FILIP1L: variants seen among roughly 807,000 people sequenced by gnomAD.
FILIP1L encodes the protein filamin A interacting protein 1 like, also known as filamin A-interacting protein 1-like.
Under a neutral mutation model 96.6 loss-of-function variants are expected in FILIP1L, and 55 were observed. That is an observed-to-expected ratio of 0.57 (90% confidence interval 0.46 to 0.71). FILIP1L has a LOEUF of 0.71. FILIP1L is among the 30% of genes least tolerant of loss of function. FILIP1L has a pLI of 0.00. For synonymous variants in FILIP1L, 467 were observed against 473.9 expected (o/e 0.99, Z 0.19); for missense variants, 1,304 against 1,321.2 (o/e 0.99, Z 0.20).
intron 1 of FILIP1L, among the ~76,000 whole-genome samples, chr3:99,977,710 A>T (rs1457358026): frequency 6.6e-6 from 1 of 152,224 alleles, no homozygotes; most frequent in African/African-American, 2.4e-5. Flanking sequence ...CAGAAAAATA[A>T]GAGAATGGAA....
intron 1 of FILIP1L, among the ~76,000 whole-genome samples, chr3:99,998,424 A>G (rs1709743952): frequency 6.6e-6 from 1 of 152,168 alleles, no homozygotes; most frequent in Non-Finnish European, 1.5e-5. Context: ...AGTGGGGTAA[A>G]CTATATATAC....
At chr3:99,945,803 C>A (rs953925437) in intron 1 of FILIP1L, among the ~76,000 whole-genome samples, 1 of 152,146 alleles carries the variant, frequency 6.6e-6, no homozygotes, top group Non-Finnish European at 1.5e-5. Context: ...AACTTTAACC[C>A]CAATTTTTTT....
chr3:100,106,428 C>T (rs769397468), intron 1 of FILIP1L, among the ~76,000 whole-genome samples: 66 of 152,032 alleles, frequency 4.3e-4, no homozygotes, highest in Non-Finnish European at 7.9e-4. Context: ...AAGATATGGC[C>T]CCAGGGACAA....
chr3:99,875,737 A>T, intron 4 of FILIP1L, among the ~76,000 whole-genome samples: 1 of 152,152 alleles, frequency 6.6e-6, no homozygotes, highest in Admixed American at 6.5e-5. Flanking sequence ...CTGCAGTACA[A>T]TATAGTCTCC....
At chr3:99,872,726 G>T in intron 4 of FILIP1L, among the ~76,000 whole-genome samples, 1 of 152,172 alleles carries the variant, frequency 6.6e-6, no homozygotes, top group East Asian at 1.9e-4. Context: ...CTTGGGCTCA[G>T]AATTAAAACT....
chr3:100,095,468 TACTACAGTGA>T (rs1403112309), intron 1 of FILIP1L, among the ~76,000 whole-genome samples: 2 of 152,110 alleles, frequency 1.3e-5, no homozygotes, highest in African/African-American at 4.8e-5. Flanking sequence ...AAAAACAATA[TACTACAGTGA>T]ACTTAATTTT....
At chr3:99,922,617 A>T (rs1473642049) in intron 4 of FILIP1L, among the ~76,000 whole-genome samples, 2 of 152,224 alleles carry the variant, frequency 1.3e-5, no homozygotes, top group East Asian at 3.8e-4. Context: ...TGAAGTATGA[A>T]TTGGAAGTAG....
chr3:100,006,521 A>T (rs1709991173), intron 1 of FILIP1L, among the ~76,000 whole-genome samples: 1 of 151,972 alleles, frequency 6.6e-6, no homozygotes, highest in Non-Finnish European at 1.5e-5. Context: ...TAAAAAAAGT[A>T]TTTTTTCTAT....
intron 1 of FILIP1L, among the ~76,000 whole-genome samples, chr3:99,952,037 G>A (rs1048802373): frequency 6.6e-6 from 1 of 152,132 alleles, no homozygotes; most frequent in Admixed American, 6.5e-5. Flanking sequence ...GTTTATTCCA[G>A]TGGACCATAT....
At chr3:99,989,290 G>A (rs1419510344) in intron 1 of FILIP1L, among the ~76,000 whole-genome samples, 1 of 152,166 alleles carries the variant, frequency 6.6e-6, no homozygotes, top group African/African-American at 2.4e-5. Context: ...TGCTTTCTCA[G>A]GGGCTCTTGA....
chr3:99,890,906 G>A (rs1706063630), intron 4 of FILIP1L, among the ~76,000 whole-genome samples: 1 of 152,000 alleles, frequency 6.6e-6, no homozygotes, highest in Non-Finnish European at 1.5e-5. Context: ...AATTTTATAT[G>A]TAGGAATTCC....
chr3:99,914,534 A>G (rs1706891748), intron 4 of FILIP1L, among the ~76,000 whole-genome samples: 1 of 152,228 alleles, frequency 6.6e-6, no homozygotes, highest in African/African-American at 2.4e-5. Context: ...TTACAACATC[A>G]TATCATGTTT....
intron 4 of FILIP1L, among the ~76,000 whole-genome samples, chr3:99,875,609 T>C (rs1705472565): frequency 6.6e-6 from 1 of 152,194 alleles, no homozygotes; most frequent in Non-Finnish European, 1.5e-5. Context: ...CCTAACAGTG[T>C]TTTTCTAGTC....
intron 4 of FILIP1L, among the ~76,000 whole-genome samples, chr3:99,891,862 A>G (rs1166462833): frequency 6.6e-6 from 1 of 152,194 alleles, no homozygotes; most frequent in African/African-American, 2.4e-5. Flanking sequence ...ACTATTAACA[A>G]AACTACACTT....
rs767638167 is a variant in FILIP1L at position 99,833,272 on chromosome 3, G to C, written c.3382-2667C>G. ...AAGAAGTGGTTCCACCTAGGGAGCA[G>C]TAGAAAGAAGAGGAGTAAATTTGTG... On this transcript the variant is annotated intron_variant, in intron 5 of 5. Coordinates refer to ENST00000477258, the MANE Select transcript of FILIP1L (RefSeq NM_001387850.1). The C allele has an allele frequency of 9.3e-6, 15 of 1,607,510 alleles. No individual in the cohort carries two copies. In the East Asian group the frequency reaches 3.1e-4, roughly 33 times the overall value.
chr3:100,062,242 GCTGGGA>G (rs2065584576), intron 1 of FILIP1L, among the ~76,000 whole-genome samples: 1 of 151,282 alleles, frequency 6.6e-6, no homozygotes, highest in Non-Finnish European at 1.5e-5. Flanking sequence ...TGCCCGAGTA[GCTGGGA>G]CTACAGGCGC....
At chr3:99,915,905 G>T (rs762923295) in intron 4 of FILIP1L, among the ~76,000 whole-genome samples, 7 of 152,072 alleles carry the variant, frequency 4.6e-5, no homozygotes, top group African/African-American at 1.7e-4. Flanking sequence ...CCCAGTATAG[G>T]GTCTACATAA....
intron 1 of FILIP1L, among the ~76,000 whole-genome samples, chr3:99,942,863 T>C (rs1039273513): frequency 6.6e-6 from 1 of 151,466 alleles, no homozygotes; most frequent in Non-Finnish European, 1.5e-5. Context: ...GGTGATTTTC[T>C]TAAAAGAAAA....
intron 1 of FILIP1L, among the ~76,000 whole-genome samples, chr3:100,034,163 T>C (rs545696903): frequency 3.3e-5 from 5 of 152,290 alleles, no homozygotes; most frequent in African/African-American, 1.2e-4. Context: ...CTAAATTCCA[T>C]TGTGGGGAAA....
Sources: gnomAD v4.1 joint callset for allele counts (sites outside exome capture counted in the v4.1 genomes callset) on GRCh38, gnomAD v4.1.1 for gene constraint, MANE v1.5 for transcripts, NCBI Gene and HGNC (gene_info 2026-07-23, HGNC 2026-07-21) for gene names.